The following NTNG1 variants were observed in gnomAD, a reference collection of about 807,000 sequenced individuals.
NTNG1 encodes the protein netrin G1.
NTNG1 carries 16 observed loss-of-function variants against 54.0 expected under a neutral mutation model. The observed-to-expected ratio is 0.30, with a 90% confidence interval of 0.20 to 0.45. The LOEUF (loss-of-function observed/expected upper bound fraction) is 0.45. NTNG1 is among the 20% of genes least tolerant of loss of function. The probability of loss-of-function intolerance (pLI) is 1.00; values close to 1 mark genes in which losing one functional copy is unlikely to be tolerated. For missense variants in NTNG1, 530 were observed against 678.7 expected, an observed-to-expected ratio of 0.78 and a Z score of 2.43; for synonymous variants, 255 against 263.1, an observed-to-expected ratio of 0.97 and a Z score of 0.30.
intron 3 of NTNG1, among the ~76,000 whole-genome samples, chr1:107,387,430 C>T (rs1339905433): frequency 6.6e-6 from 1 of 152,204 alleles, no homozygotes; most frequent in Non-Finnish European, 1.5e-5. Flanking sequence ...GCTTACTGTG[C>T]ATCTAAGTCA....
chr1:107,269,262 G>T (rs1663967144), intron 2 of NTNG1, among the ~76,000 whole-genome samples: 2 of 151,980 alleles, frequency 1.3e-5, no homozygotes, highest in South Asian at 4.2e-4. Context: ...ATTCTCTCTG[G>T]CTGGAATTTT....
intron 1 of NTNG1, among the ~76,000 whole-genome samples, chr1:107,146,043 G>C (rs879447715): frequency 6.6e-6 from 1 of 151,906 alleles, no homozygotes. Context: ...AAATGGATGA[G>C]GAGAATATCA....
At chr1:107,335,483 T>C (rs12023703) in intron 3 of NTNG1, among the ~76,000 whole-genome samples, 61,542 of 151,728 alleles carry the variant, frequency 0.41, 14,684 homozygotes, top group East Asian at 0.7. Flanking sequence ...TATGAACATA[T>C]GTCTTTATGA....
rs1054566236 is a variant in NTNG1 at position 107,363,788 on chromosome 1, C to T, written c.888-31366C>T. 9.9e-5 allele frequency among the ~76,000 whole-genome samples: 15 copies of T among 152,246 alleles called. 1 individual carries two copies. The East Asian group carries it at 1.9e-3, about 20-fold the overall frequency. On this transcript the variant is annotated intron_variant, in intron 3 of 7. Coordinates refer to ENST00000370068, the MANE Select transcript of NTNG1 (RefSeq NM_001113226.3). ...AACTCAATTCAATTTAACATTTAATCGTTTCAACATGCACATGTATATTTC... is the reference window on the plus strand; with the variant it reads ...AACTCAATTCAATTTAACATTTAATTGTTTCAACATGCACATGTATATTTC...
At chr1:107,340,915 T>C (rs1245568352) in intron 3 of NTNG1, among the ~76,000 whole-genome samples, 1 of 152,070 alleles carries the variant, frequency 6.6e-6, no homozygotes, top group Non-Finnish European at 1.5e-5. Flanking sequence ...TATTAATGTG[T>C]ATAAAATGCA....
At chr1:107,345,951 G>A (rs1045356937) in intron 3 of NTNG1, among the ~76,000 whole-genome samples, 4 of 151,984 alleles carry the variant, frequency 2.6e-5, no homozygotes, top group Non-Finnish European at 5.9e-5. Context: ...TTCTGAGAAG[G>A]GATTTCCTTC....
chr1:107,350,736 C>G (rs1396840027), intron 3 of NTNG1, among the ~76,000 whole-genome samples: 1 of 152,064 alleles, frequency 6.6e-6, no homozygotes, highest in East Asian at 1.9e-4. Context: ...AAATATAAGC[C>G]AGGCACAGAA....
chr1:107,306,631 A>G (rs1666711524), intron 2 of NTNG1, among the ~76,000 whole-genome samples: 1 of 152,084 alleles, frequency 6.6e-6, no homozygotes, highest in Non-Finnish European at 1.5e-5. Flanking sequence ...CGTGCCTGTA[A>G]TCCCAGCTAC....
intron 5 of NTNG1, among the ~76,000 whole-genome samples, chr1:107,418,973 C>T (rs532597947): frequency 6.6e-6 from 1 of 152,104 alleles, no homozygotes; most frequent in Admixed American, 6.6e-5. Context: ...CACAGGCATC[C>T]TTTCAATGTC....
intron 6 of NTNG1, among the ~76,000 whole-genome samples, chr1:107,435,369 A>T (rs1336868081): frequency 6.6e-6 from 1 of 152,182 alleles, no homozygotes; most frequent in Admixed American, 6.5e-5. Flanking sequence ...TAAGCCAGGC[A>T]AGGAGAGAGC....
chr1:107,393,841 GT>G (rs1672512817), intron 3 of NTNG1, among the ~76,000 whole-genome samples: 1 of 152,090 alleles, frequency 6.6e-6, no homozygotes, highest in African/African-American at 2.4e-5. Flanking sequence ...CAACATGGTT[GT>G]TAAGGAGTCT....
intron 3 of NTNG1, among the ~76,000 whole-genome samples, chr1:107,380,912 A>C (rs1049456712): frequency 6.6e-6 from 1 of 152,220 alleles, no homozygotes; most frequent in African/African-American, 2.4e-5. Context: ...CACTTCTGTT[A>C]AATATAAAAC....
At chr1:107,257,031 CT>C (rs1273718994) in intron 2 of NTNG1, among the ~76,000 whole-genome samples, 24 of 152,222 alleles carry the variant, frequency 1.6e-4, no homozygotes, top group African/African-American at 5.3e-4. Context: ...TCTCTGACTG[CT>C]ATTTTCCTTC....
chr1:107,297,562 C>T (rs61799219), intron 2 of NTNG1, among the ~76,000 whole-genome samples: 6,708 of 152,146 alleles, frequency 0.044, 181 homozygotes, highest in Non-Finnish European at 0.061. Flanking sequence ...CATTCTTAAA[C>T]AGTTCCCCAG....
intron 5 of NTNG1, among the ~76,000 whole-genome samples, chr1:107,421,738 G>A (rs1208490621): frequency 2.6e-5 from 4 of 152,060 alleles, no homozygotes; most frequent in Admixed American, 2.0e-4. Context: ...ATTCCAGCTA[G>A]CATCTGTCAT....
chr1:107,309,933 A>C (rs777647336), intron 2 of NTNG1, among the ~76,000 whole-genome samples: 7 of 152,112 alleles, frequency 4.6e-5, no homozygotes, highest in Non-Finnish European at 7.4e-5. Context: ...AACTCCCACC[A>C]TTTCTTTTAA....
At chr1:107,355,211 T>C (rs1428590381) in intron 3 of NTNG1, among the ~76,000 whole-genome samples, 1 of 152,088 alleles carries the variant, frequency 6.6e-6, no homozygotes, top group Admixed American at 6.5e-5. Flanking sequence ...CATGGTTATT[T>C]TGATCTGATT....
intron 2 of NTNG1, among the ~76,000 whole-genome samples, chr1:107,261,179 G>A (rs1194448603): frequency 1.3e-5 from 2 of 152,134 alleles, no homozygotes; most frequent in Non-Finnish European, 2.9e-5. Context: ...TCCTGTGCCA[G>A]GTACTATACT....
intron 2 of NTNG1, among the ~76,000 whole-genome samples, chr1:107,246,700 A>C (rs935916703): frequency 2.6e-5 from 4 of 152,146 alleles, no homozygotes; most frequent in Non-Finnish European, 4.4e-5. Context: ...TTGCAATCTC[A>C]GAGCCCCTGT....
Sources: allele counts gnomAD v4.1 joint callset (sites outside exome capture counted in the v4.1 genomes callset), GRCh38; gene constraint gnomAD v4.1.1; transcripts MANE v1.5; gene names NCBI Gene and HGNC (gene_info 2026-07-23, HGNC 2026-07-21).